TUSC3: variants seen among roughly 807,000 people sequenced by gnomAD.
TUSC3 encodes the protein tumor suppressor candidate 3.
A neutral mutation model predicts 44.8 loss-of-function variants in TUSC3; 45 were observed. The observed-to-expected ratio is 1.00, with a 90% CI of 0.79 to 1.29. The LOEUF (loss-of-function observed/expected upper bound fraction) is 1.29. TUSC3 is among the 50% of genes most tolerant of loss of function. TUSC3 has a pLI of 0.00. For synonymous variants in TUSC3, 212 were observed against 152.9 expected (o/e 1.39, Z -2.85); for missense variants, 519 against 437.9 (o/e 1.19, Z -1.65).
At chr8:15,788,507 A>G in the TUSC3 span, among the ~76,000 whole-genome samples, 1 of 149,236 alleles carries the variant, frequency 6.7e-6, no homozygotes, top group Non-Finnish European at 1.5e-5. Context: ...AGATTGTGCC[A>G]CTGCACTCCA....
At chr8:15,439,084 A>C (rs1215727594) in intron 1 of TUSC3, among the ~76,000 whole-genome samples, 2 of 152,116 alleles carry the variant, frequency 1.3e-5, no homozygotes, top group Non-Finnish European at 2.9e-5. Context: ...TTAGTCTGGG[A>C]ATGCAACTCG....
intron 1 of TUSC3, among the ~76,000 whole-genome samples, chr8:15,476,900 C>T (rs987602454): frequency 2.0e-5 from 3 of 152,154 alleles, no homozygotes; most frequent in Admixed American, 6.5e-5. Flanking sequence ...AAAGGTTACA[C>T]CCTATGCAAA....
intron 2 of TUSC3, among the ~76,000 whole-genome samples, chr8:15,637,804 A>AT (rs1261527164): frequency 2.6e-5 from 4 of 151,782 alleles, no homozygotes; most frequent in Admixed American, 1.3e-4. Flanking sequence ...CAGCAAGCTT[A>AT]TTTTTCTCCC....
intron 1 of TUSC3, among the ~76,000 whole-genome samples, chr8:15,540,875 G>A (rs2129132641): frequency 6.6e-6 from 1 of 152,344 alleles, no homozygotes; most frequent in African/African-American, 2.4e-5. Context: ...GCCACTAAAA[G>A]GGGTGTGTTG....
chr8:15,467,242 T>G (rs545638949), intron 1 of TUSC3, among the ~76,000 whole-genome samples: 1 of 149,162 alleles, frequency 6.7e-6, no homozygotes, highest in Non-Finnish European at 1.5e-5. Flanking sequence ...TTATCTACTG[T>G]CATTCAGTGG....
At chr8:15,583,937 G>T (rs758503947) in intron 1 of TUSC3, among the ~76,000 whole-genome samples, 2 of 152,192 alleles carry the variant, frequency 1.3e-5, no homozygotes, top group Non-Finnish European at 2.9e-5. Context: ...TAGCACCTTA[G>T]TAAGCAGATG....
intron 1 of TUSC3, among the ~76,000 whole-genome samples, chr8:15,605,189 G>A (rs1200814460): frequency 6.6e-6 from 1 of 151,846 alleles, no homozygotes; most frequent in Non-Finnish European, 1.5e-5. Flanking sequence ...TCAATAGATG[G>A]GAAGATTAGT....
chr8:15,805,116 G>T, the TUSC3 span, among the ~76,000 whole-genome samples: 6 of 152,074 alleles, frequency 3.9e-5, no homozygotes, highest in African/African-American at 1.4e-4. Flanking sequence ...ACGTGTTCCT[G>T]ATTTGGTTCT....
At chr8:15,745,357 G>A (rs1303901388) in intron 8 of TUSC3, among the ~76,000 whole-genome samples, 1 of 152,054 alleles carries the variant, frequency 6.6e-6, no homozygotes, top group Non-Finnish European at 1.5e-5. Flanking sequence ...AGGTAGCACT[G>A]TGTTAAGTTT....
At chr8:15,722,933 A>C (rs1810358538) in intron 6 of TUSC3, among the ~76,000 whole-genome samples, 1 of 152,070 alleles carries the variant, frequency 6.6e-6, no homozygotes, top group Non-Finnish European at 1.5e-5. Context: ...ACAGCCTCCC[A>C]CAAAATGTAG....
intron 1 of TUSC3, among the ~76,000 whole-genome samples, chr8:15,436,903 G>A (rs1799954579): frequency 1.3e-5 from 2 of 152,006 alleles, no homozygotes; most frequent in African/African-American, 4.8e-5. Flanking sequence ...ATTTTTTATT[G>A]TTTACATCTT....
intron 6 of TUSC3, among the ~76,000 whole-genome samples, chr8:15,720,201 TACACACACAC>T (rs60082069): frequency 5.6e-5 from 8 of 141,612 alleles, no homozygotes; most frequent in Non-Finnish European, 1.1e-4. Context: ...TATATATATA[TACACACACAC>T]ACACACACAC....
At chr8:15,518,881 T>A (rs1263395911) in intron 2 of TUSC3, among the ~76,000 whole-genome samples, 1 of 152,220 alleles carries the variant, frequency 6.6e-6, no homozygotes, top group Non-Finnish European at 1.5e-5. Context: ...AAAAATGGAA[T>A]CAATCTAAAT....
the TUSC3 span, among the ~76,000 whole-genome samples, chr8:15,841,400 T>A: frequency 1.3e-5 from 2 of 152,204 alleles, no homozygotes; most frequent in Non-Finnish European, 2.9e-5. Flanking sequence ...CAGATTTTAT[T>A]CATGTACATT....
intron 2 of TUSC3, among the ~76,000 whole-genome samples, chr8:15,624,107 C>T (rs771959167): frequency 3.9e-5 from 6 of 152,032 alleles, no homozygotes; most frequent in South Asian, 2.1e-4. Context: ...AAAAATCAGC[C>T]GTAATTCCCT....
chr8:15,491,107 C>G lies in TUSC3; in HGVS notation n.189+7624C>G, dbSNP rs533813970. ...TAGTCACAGATGCATTTGTCTCGTGCTCAGTGAATCTGCATTTTTATATAA... is the reference window on the plus strand; with the variant it reads ...TAGTCACAGATGCATTTGTCTCGTGGTCAGTGAATCTGCATTTTTATATAA... On this transcript the variant is annotated intron_variant and non_coding_transcript_variant, in intron 2 of 5. Coordinates refer to the TUSC3 transcript ENST00000503191. Among the ~76,000 whole-genome samples the G allele has an allele frequency of 5.9e-5, 9 of 152,284 alleles. 1 individual carries two copies. In the South Asian group the frequency reaches 1.2e-3, roughly 21 times the overall value.
chr8:15,534,622 G>T (rs10087664), intron 2 of TUSC3, among the ~76,000 whole-genome samples: 3 of 143,254 alleles, frequency 2.1e-5, no homozygotes, highest in African/African-American at 7.7e-5. Flanking sequence ...CAGCCTAGGT[G>T]ACAGAGCGAG....
chr8:15,452,726 A>G lies in TUSC3; in HGVS notation n.92-30660A>G, dbSNP rs146195247. 1.6e-3 allele frequency among the ~76,000 whole-genome samples: 239 copies of G among 152,286 alleles called. 2 individuals carry two copies. Among genetic ancestry groups the G allele is most frequent in the Admixed American group, 0.015 (222 of 15,300 alleles). On this transcript the variant is annotated intron_variant and non_coding_transcript_variant, in intron 1 of 5. Coordinates refer to the TUSC3 transcript ENST00000503191. ...CCAGCTATCACCAGACCCTGGGCTG[A>G]TAAATTCAAGTTGGCTCACTGCAGC...
intron 1 of TUSC3, among the ~76,000 whole-genome samples, chr8:15,557,490 C>G (rs897054209): frequency 1.8e-5 from 1 of 54,788 alleles, no homozygotes; most frequent in African/African-American, 5.3e-5. Context: ...GATGCGGGCT[C>G]TTTTTTGGTT....
Sources: allele counts gnomAD v4.1 joint callset (sites outside exome capture counted in the v4.1 genomes callset), GRCh38; gene constraint gnomAD v4.1.1; transcripts MANE v1.5; gene names NCBI Gene and HGNC (gene_info 2026-07-23, HGNC 2026-07-21).